PEX5L: variants seen among roughly 807,000 people sequenced by gnomAD.
PEX5L encodes peroxisomal biogenesis factor 5 like.
PEX5L carries 30 observed loss-of-function variants against 84.0 expected under a neutral mutation model. The observed-to-expected ratio is 0.36, with a 90% CI of 0.27 to 0.48. The LOEUF is 0.48. PEX5L is among the 20% of genes least tolerant of loss of function. The pLI is 0.99. For synonymous variants in PEX5L, 270 were observed against 283.1 expected, an observed-to-expected ratio of 0.95 and a Z score of 0.46; for missense variants, 533 against 754.6, an observed-to-expected ratio of 0.71 and a Z score of 3.44.
intron 2 of PEX5L, among the ~76,000 whole-genome samples, chr3:179,958,640 A>G (rs1781219839): frequency 1.3e-5 from 2 of 152,100 alleles, no homozygotes; most frequent in African/African-American, 4.8e-5. Context: ...TTTTTGTTAC[A>G]ATTTGTTTTA....
chr3:179,875,716 G>A (rs1268509019), intron 5 of PEX5L, among the ~76,000 whole-genome samples: 1 of 152,188 alleles, frequency 6.6e-6, no homozygotes, highest in Non-Finnish European at 1.5e-5. Flanking sequence ...GAAATCTCCT[G>A]TTAAGATAAA....
chr3:179,884,660 C>T (rs1468739953), intron 4 of PEX5L, among the ~76,000 whole-genome samples: 5 of 152,190 alleles, frequency 3.3e-5, no homozygotes, highest in African/African-American at 4.8e-5. Context: ...TCTCATCTCT[C>T]CATAGCCTGT....
At chr3:179,829,943 ATTTTTTTTTTTT>A (rs11352022) in intron 8 of PEX5L, among the ~76,000 whole-genome samples, 1,618 of 83,748 alleles carry the variant, frequency 0.019, 33 homozygotes, top group Middle Eastern at 0.17. Flanking sequence ...GGCCTGGCTA[ATTTTTTTTTTTT>A]TTTTTTTTTT....
intron 2 of PEX5L, among the ~76,000 whole-genome samples, chr3:179,950,781 TA>T (rs1358168064): frequency 2.0e-5 from 3 of 152,088 alleles, no homozygotes; most frequent in Non-Finnish European, 4.4e-5. Flanking sequence ...TCAAAGCAAG[TA>T]AAACAATAGT....
intron 2 of PEX5L, among the ~76,000 whole-genome samples, chr3:179,912,058 T>C (rs751019665): frequency 3.3e-5 from 5 of 152,192 alleles, no homozygotes; most frequent in Non-Finnish European, 7.4e-5. Context: ...TTTGGTGGAC[T>C]GTTTAGTTCA....
intron 10 of PEX5L, among the ~76,000 whole-genome samples, chr3:179,814,928 G>A (rs912801236): frequency 6.6e-6 from 1 of 151,858 alleles, no homozygotes; most frequent in Non-Finnish European, 1.5e-5. Flanking sequence ...CCCACATAGC[G>A]CTCTCTTGTA....
chr3:179,873,139 A>T (rs887954772), intron 7 of PEX5L, among the ~76,000 whole-genome samples: 1 of 152,120 alleles, frequency 6.6e-6, no homozygotes, highest in Non-Finnish European at 1.5e-5. Flanking sequence ...TCTCTCTGCC[A>T]CTTACTAGTT....
intron 2 of PEX5L, among the ~76,000 whole-genome samples, chr3:179,920,919 T>C (rs1268700608): frequency 6.6e-6 from 1 of 152,168 alleles, no homozygotes; most frequent in Non-Finnish European, 1.5e-5. Context: ...GTATAATATA[T>C]ACACAGTATT....
At position 179,800,646 on chromosome 3, in the gene PEX5L, C is replaced by T. The variant is rs1718593680; in HGVS notation, c.*1182G>A. The T allele has an allele frequency of 6.6e-6, 1 of 152,190 alleles. No individual in the cohort carries two copies. The highest frequency in any genetic ancestry group is 2.4e-5 in the African/African-American group (1 of 41,448). The allele number at this position is 152,190 out of a possible 1,614,324, so 9.4% of individuals were successfully genotyped here. A position where few individuals can be genotyped will look rare whatever the true frequency, so the allele number is the denominator to read the frequency against. On this transcript the variant is annotated 3_prime_UTR_variant, in exon 15 of 15. Transcript: ENST00000467460. ...GAGGCATGCATCTTTCATATGAAATCACTGGCATTCAGTGAGATTTGGTTT... is the reference window on the plus strand; with the variant it reads ...GAGGCATGCATCTTTCATATGAAATTACTGGCATTCAGTGAGATTTGGTTT...
At chr3:179,949,867 T>G (rs953200343) in intron 2 of PEX5L, among the ~76,000 whole-genome samples, 8 of 152,188 alleles carry the variant, frequency 5.3e-5, no homozygotes, top group African/African-American at 1.7e-4. Flanking sequence ...AGATGCAGTT[T>G]CTACCTTAAG....
intron 1 of PEX5L, among the ~76,000 whole-genome samples, chr3:180,024,675 T>C (rs941247450): frequency 6.6e-6 from 1 of 151,944 alleles, no homozygotes; most frequent in Admixed American, 6.6e-5. Flanking sequence ...TGTGAAAAGC[T>C]GCATGTGTGT....
intron 2 of PEX5L, among the ~76,000 whole-genome samples, chr3:179,926,876 A>G (rs1175999385): frequency 1.3e-5 from 2 of 152,244 alleles, no homozygotes; most frequent in Non-Finnish European, 2.9e-5. Flanking sequence ...AATGGTCACC[A>G]TCCAAAACAA....
chr3:179,995,360 G>C (rs1297344641), intron 1 of PEX5L, among the ~76,000 whole-genome samples: 1 of 140,984 alleles, frequency 7.1e-6, no homozygotes, highest in Non-Finnish European at 1.6e-5. Context: ...GGGGTTCTTT[G>C]GTTGGTTTTG....
chr3:179,830,294 C>G (rs1215044606), intron 8 of PEX5L, among the ~76,000 whole-genome samples: 1 of 142,848 alleles, frequency 7.0e-6, no homozygotes, highest in Non-Finnish European at 1.5e-5. Context: ...CGCCCCCCCC[C>G]TTTTTTTTAT....
intron 1 of PEX5L, chr3:179,974,263 G>T (rs1036636370): frequency 1.1e-5 from 10 of 895,252 alleles, no homozygotes; most frequent in Non-Finnish European, 1.3e-5. Flanking sequence ...CCAAGTGTGA[G>T]GGGGCAGGGC....
intron 8 of PEX5L, among the ~76,000 whole-genome samples, chr3:179,835,615 T>C (rs1182235734): frequency 6.6e-6 from 1 of 152,242 alleles, no homozygotes; most frequent in Non-Finnish European, 1.5e-5. Flanking sequence ...TTGAAGGTCA[T>C]AGTTGCATCT....
intron 7 of PEX5L, among the ~76,000 whole-genome samples, 177 bp downstream of exon 7, chr3:179,874,148 TAC>T (rs1491047706): frequency 6.7e-6 from 1 of 149,142 alleles, no homozygotes; most frequent in Non-Finnish European, 1.5e-5. Context: ...TATATATATA[TAC>T]ACACACACCT....
chr3:180,030,814 C>T (rs61623675), intron 1 of PEX5L, among the ~76,000 whole-genome samples: 21,971 of 152,026 alleles, frequency 0.14, 1,744 homozygotes, highest in African/African-American at 0.22. Context: ...TCCAGAGGTA[C>T]GTGCACATGA....
chr3:179,811,924 T>G, intron 10 of PEX5L, 53 bp from the exon 11 acceptor site: 1 of 1,426,342 alleles, frequency 7.0e-7, no homozygotes, highest in Non-Finnish European at 9.9e-7. Flanking sequence ...ATTACTCATG[T>G]GCTTCAGTTG....
Sources: allele counts gnomAD v4.1 joint callset (sites outside exome capture counted in the v4.1 genomes callset), GRCh38; gene constraint gnomAD v4.1.1; transcripts MANE v1.5; gene names NCBI Gene and HGNC (gene_info 2026-07-23, HGNC 2026-07-21).